The following PRKG1 variants were observed in gnomAD, a reference collection of about 807,000 sequenced individuals.
PRKG1 encodes the protein cGMP-dependent protein kinase 1.
Under a neutral mutation model 88.1 loss-of-function variants are expected in PRKG1, and 35 were observed. That is an observed-to-expected ratio of 0.40 (90% CI 0.30 to 0.53). PRKG1 has a LOEUF of 0.53. PRKG1 is among the 20% of genes least tolerant of loss of function. The probability of loss-of-function intolerance (pLI) is 0.59; values close to 1 mark genes in which losing one functional copy is unlikely to be tolerated. For missense variants in PRKG1, 540 were observed against 839.8 expected, an observed-to-expected ratio of 0.64 and a Z score of 4.41; for synonymous variants, 303 against 292.5, an observed-to-expected ratio of 1.04 and a Z score of -0.37.
intron 2 of PRKG1, among the ~76,000 whole-genome samples, chr10:51,223,590 C>T (rs1421432261): frequency 6.6e-6 from 1 of 152,146 alleles, no homozygotes; most frequent in East Asian, 1.9e-4. Context: ...TCATAAATAT[C>T]TTACCACATA....
intron 9 of PRKG1, among the ~76,000 whole-genome samples, chr10:52,204,267 T>C (rs1839756567): frequency 6.6e-6 from 1 of 151,972 alleles, no homozygotes; most frequent in African/African-American, 2.4e-5. Flanking sequence ...TAGCTAATTT[T>C]TTATTTTTAG....
intron 3 of PRKG1, among the ~76,000 whole-genome samples, chr10:51,759,439 G>A (rs1236890476): frequency 6.6e-6 from 1 of 151,968 alleles, no homozygotes; most frequent in African/African-American, 2.4e-5. Flanking sequence ...GCTAATTTTT[G>A]TATTTTTAGC....
intron 1 of PRKG1, among the ~76,000 whole-genome samples, chr10:51,091,227 A>G (rs896273043): frequency 2.6e-5 from 4 of 152,220 alleles, no homozygotes; most frequent in African/African-American, 9.6e-5. Context: ...GCTTTATGGA[A>G]GTATAATTTA....
chr10:52,239,345 T>TAAA (rs35340011), intron 9 of PRKG1, among the ~76,000 whole-genome samples: 69 of 139,700 alleles, frequency 4.9e-4, no homozygotes, highest in East Asian at 8.2e-4. Flanking sequence ...TAAATAAAAT[T>TAAA]AAAAAAAAAA....
At chr10:52,263,397 A>G (rs1001567428) in intron 10 of PRKG1, among the ~76,000 whole-genome samples, 7 of 152,086 alleles carry the variant, frequency 4.6e-5, no homozygotes, top group African/African-American at 1.7e-4. Context: ...CTTTTTAAAA[A>G]TTCTTTAACA....
intron 7 of PRKG1, among the ~76,000 whole-genome samples, chr10:52,104,163 G>A (rs1427804710): frequency 6.6e-6 from 1 of 151,188 alleles, no homozygotes; most frequent in Non-Finnish European, 1.5e-5. Context: ...TTACTTTTTA[G>A]CATATAAATC....
chr10:52,024,471 C>A (rs550057549), intron 5 of PRKG1, among the ~76,000 whole-genome samples: 6 of 151,994 alleles, frequency 3.9e-5, no homozygotes, highest in African/African-American at 1.4e-4. Context: ...TAATGCTATC[C>A]CTCCCCCATT....
At chr10:52,280,596 G>T (rs551870277) in intron 12 of PRKG1, among the ~76,000 whole-genome samples, 193 bp from the exon 13 acceptor site, 1 of 151,976 alleles carries the variant, frequency 6.6e-6, no homozygotes, top group Non-Finnish European at 1.5e-5. Flanking sequence ...TAAAGACAGA[G>T]AATTCCTTAA....
chr10:52,080,673 C>A (rs1262316580), intron 7 of PRKG1, among the ~76,000 whole-genome samples: 3 of 152,112 alleles, frequency 2.0e-5, no homozygotes, highest in African/African-American at 7.2e-5. Context: ...TCTTAAATTG[C>A]TATTTGGTAT....
chr10:51,829,453 C>A (rs895829822), intron 4 of PRKG1, among the ~76,000 whole-genome samples: 26 of 152,076 alleles, frequency 1.7e-4, no homozygotes, highest in African/African-American at 6.3e-4. Context: ...TAACTCTTTT[C>A]TAGTTGCAGA....
At chr10:52,210,420 C>G (rs115354147) in intron 9 of PRKG1, among the ~76,000 whole-genome samples, 1 of 152,066 alleles carries the variant, frequency 6.6e-6, no homozygotes, top group Non-Finnish European at 1.5e-5. Context: ...CTCAGAGAAG[C>G]CTTCCCTGAC....
chr10:51,622,010 C>T (rs1839222846), intron 3 of PRKG1, among the ~76,000 whole-genome samples: 1 of 152,284 alleles, frequency 6.6e-6, no homozygotes, highest in African/African-American at 2.4e-5. Flanking sequence ...TCAGATTTCT[C>T]CTCACCCTGT....
chr10:51,099,882 C>A (rs1024552290), intron 1 of PRKG1, among the ~76,000 whole-genome samples: 2 of 152,036 alleles, frequency 1.3e-5, no homozygotes, highest in Non-Finnish European at 2.9e-5. Flanking sequence ...TTCGTGCCTT[C>A]AGTTTGTGTT....
At chr10:51,376,782 C>T (rs910195184) in intron 2 of PRKG1, among the ~76,000 whole-genome samples, 7 of 152,144 alleles carry the variant, frequency 4.6e-5, no homozygotes, top group African/African-American at 1.2e-4. Flanking sequence ...TCAAGTGATT[C>T]TCCTGCCTCA....
chr10:52,035,102 T>G (rs1422422093), intron 5 of PRKG1, among the ~76,000 whole-genome samples: 2 of 152,210 alleles, frequency 1.3e-5, no homozygotes, highest in African/African-American at 4.8e-5. Flanking sequence ...GTTATCAGAC[T>G]GTATTGAGGT....
intron 7 of PRKG1, among the ~76,000 whole-genome samples, chr10:52,079,078 C>T (rs1427192521): frequency 6.6e-6 from 1 of 152,230 alleles, no homozygotes. Flanking sequence ...AGAACACTTA[C>T]ATTTACCTGG....
chr10:52,091,385 A>G (rs540342741), intron 7 of PRKG1, among the ~76,000 whole-genome samples: 43 of 152,318 alleles, frequency 2.8e-4, no homozygotes, highest in Non-Finnish European at 5.4e-4. Context: ...CTATCTTAAG[A>G]TCAACTGTGC....
At chr10:51,614,201 A>T (rs1838985146) in intron 3 of PRKG1, among the ~76,000 whole-genome samples, 1 of 151,950 alleles carries the variant, frequency 6.6e-6, no homozygotes, top group African/African-American at 2.4e-5. Context: ...TTGAATTGTT[A>T]TATCCTCTTG....
At chr10:51,449,193 A>G (rs550868882) in intron 2 of PRKG1, among the ~76,000 whole-genome samples, 19 of 152,118 alleles carry the variant, frequency 1.2e-4, no homozygotes, top group African/African-American at 4.1e-4. Flanking sequence ...TCAAACTTGC[A>G]TATTATTCAA....
Sources: allele counts gnomAD v4.1 joint callset (sites outside exome capture counted in the v4.1 genomes callset), GRCh38; gene constraint gnomAD v4.1.1; transcripts MANE v1.5; gene names NCBI Gene and HGNC (gene_info 2026-07-23, HGNC 2026-07-21).